The following ELMO1 variants were observed in gnomAD, a reference collection of about 807,000 sequenced individuals.
ELMO1 encodes the protein engulfment and cell motility 1.
ELMO1 carries 26 observed loss-of-function variants against 98.9 expected under a neutral mutation model. That is an observed-to-expected ratio of 0.26 (90% CI 0.19 to 0.36). ELMO1 has a LOEUF of 0.36. Among genes scored for constraint, ELMO1 ranks in the 10% least tolerant of loss-of-function variants. ELMO1 has a pLI of 1.00. For missense variants in ELMO1, 627 were observed against 935.2 expected, an observed-to-expected ratio of 0.67 and a Z score of 4.30; for synonymous variants, 346 against 346.0, an observed-to-expected ratio of 1.00 and a Z score of 0.00.
At chr7:36,955,502 G>A (rs995318965) in intron 16 of ELMO1, among the ~76,000 whole-genome samples, 4 of 152,166 alleles carry the variant, frequency 2.6e-5, no homozygotes, top group African/African-American at 4.8e-5. Context: ...GTCCAATTCT[G>A]CATTATTTCA....
chr7:37,334,521 T>C (rs1800296444), intron 2 of ELMO1, among the ~76,000 whole-genome samples: 1 of 152,182 alleles, frequency 6.6e-6, no homozygotes, highest in Non-Finnish European at 1.5e-5. Flanking sequence ...AGTACCTTCC[T>C]AGCTGAGTAA....
At chr7:37,226,926 C>T (rs1245718237) in intron 8 of ELMO1, among the ~76,000 whole-genome samples, 3 of 152,124 alleles carry the variant, frequency 2.0e-5, no homozygotes, top group Admixed American at 1.3e-4. Context: ...ACCTTACAGT[C>T]TAGTATGGAC....
intron 14 of ELMO1, among the ~76,000 whole-genome samples, chr7:37,120,991 C>T (rs992927921): frequency 5.9e-5 from 9 of 152,122 alleles, no homozygotes; most frequent in African/African-American, 1.9e-4. Flanking sequence ...CTGCAGCCTC[C>T]GCTGCTGATA....
At chr7:37,202,895 T>C (rs1003052916) in intron 13 of ELMO1, among the ~76,000 whole-genome samples, 4 of 152,122 alleles carry the variant, frequency 2.6e-5, no homozygotes, top group Non-Finnish European at 5.9e-5. Flanking sequence ...GTGTTTTCCA[T>C]CTGAAAGACA....
At chr7:37,211,667 G>T in intron 12 of ELMO1, 150 bp from the exon 13 acceptor site, 1 of 1,144,518 alleles carries the variant, frequency 8.7e-7, no homozygotes, top group African/African-American at 1.6e-5. Flanking sequence ...AATGTTCTAA[G>T]TTAGGGCTTT....
intron 1 of ELMO1, among the ~76,000 whole-genome samples, chr7:37,417,247 T>C (rs963317770): frequency 7.2e-5 from 11 of 152,198 alleles, no homozygotes; most frequent in Non-Finnish European, 2.9e-5. Context: ...TATCTGTGAA[T>C]GTGACCTTAT....
intron 16 of ELMO1, chr7:36,919,539 G>A: frequency 2.6e-6 from 1 of 383,180 alleles, no homozygotes. Flanking sequence ...TGGGATAATG[G>A]CATCAACCTT....
rs1041085534 is a variant in ELMO1 at position 37,133,753 on chromosome 7, G to C, written c.1087-519C>G. ...AGGGCTACACAGTCCACAGGCCTCT[G>C]AGCACAGACACTGGATAAAGTTCAG... On this transcript the variant is annotated intron_variant, in intron 13 of 21. Coordinates refer to ENST00000310758, the MANE Select transcript of ELMO1 (RefSeq NM_014800.11). Among the ~76,000 whole-genome samples, 7 of 152,250 alleles carry C rather than the reference G, an allele frequency of 4.6e-5. No homozygotes were observed. The South Asian group carries it at 1.2e-3, about 27-fold the overall frequency.
intron 13 of ELMO1, among the ~76,000 whole-genome samples, chr7:37,210,704 AG>A (rs1474512477): frequency 6.6e-6 from 1 of 152,092 alleles, no homozygotes; most frequent in Non-Finnish European, 1.5e-5. Context: ...CCAAAATCTC[AG>A]TAATGCCATT....
At chr7:37,152,444 CTTTTTTT>C (rs11421529) in intron 13 of ELMO1, among the ~76,000 whole-genome samples, 1 of 143,808 alleles carries the variant, frequency 7.0e-6, no homozygotes, top group African/African-American at 2.6e-5. Flanking sequence ...AATGTTGGGG[CTTTTTTT>C]TTTTTTTTTA....
At chr7:37,427,658 T>C (rs1049611441) in intron 1 of ELMO1, among the ~76,000 whole-genome samples, 2 of 152,272 alleles carry the variant, frequency 1.3e-5, no homozygotes, top group Non-Finnish European at 2.9e-5. Context: ...AATATCGCTA[T>C]TTTTGCTTTT....
intron 1 of ELMO1, among the ~76,000 whole-genome samples, chr7:37,398,409 T>G (rs1282168361): frequency 2.0e-5 from 3 of 152,230 alleles, no homozygotes; most frequent in Non-Finnish European, 2.9e-5. Flanking sequence ...GTCTTTCTTT[T>G]GAAGCCCTCT....
intron 15 of ELMO1, among the ~76,000 whole-genome samples, chr7:37,093,729 T>C (rs1784239007): frequency 6.6e-6 from 1 of 152,228 alleles, no homozygotes; most frequent in Admixed American, 6.5e-5. Flanking sequence ...GTGTCTAGCA[T>C]TCAATCAGAA....
chr7:37,083,745 G>C (rs1204155302), intron 15 of ELMO1, among the ~76,000 whole-genome samples: 3 of 152,230 alleles, frequency 2.0e-5, no homozygotes, highest in Non-Finnish European at 4.4e-5. Flanking sequence ...GCAGCCAGAA[G>C]ACCTGCCAGC....
At chr7:36,961,709 G>A (rs902128626) in intron 16 of ELMO1, among the ~76,000 whole-genome samples, 24 of 151,938 alleles carry the variant, frequency 1.6e-4, no homozygotes, top group African/African-American at 5.8e-4. Context: ...TAGCTTTTAA[G>A]CATTTTTTCA....
At chr7:37,381,163 A>T (rs552065617) in intron 1 of ELMO1, among the ~76,000 whole-genome samples, 11 of 152,390 alleles carry the variant, frequency 7.2e-5, no homozygotes, top group Non-Finnish European at 1.6e-4. Context: ...ACTAGCAAGT[A>T]ACTGGATTCT....
intron 8 of ELMO1, among the ~76,000 whole-genome samples, chr7:37,230,984 T>A (rs1378264315): frequency 6.6e-6 from 1 of 152,234 alleles, no homozygotes; most frequent in Non-Finnish European, 1.5e-5. Flanking sequence ...TTGCGGTTTT[T>A]GCATTACTCT....
intron 1 of ELMO1, among the ~76,000 whole-genome samples, chr7:37,354,913 C>T (rs1391481969): frequency 6.6e-6 from 1 of 152,238 alleles, no homozygotes; most frequent in Non-Finnish European, 1.5e-5. Flanking sequence ...CAGCAGAGCT[C>T]TAACTACCAC....
intron 1 of ELMO1, among the ~76,000 whole-genome samples, chr7:37,413,930 G>T (rs139172943): frequency 6.6e-6 from 1 of 152,110 alleles, no homozygotes; most frequent in African/African-American, 2.4e-5. Flanking sequence ...TGCCTGCCTC[G>T]CCCTCCCAGA....
Sources: allele counts gnomAD v4.1 joint callset (sites outside exome capture counted in the v4.1 genomes callset), GRCh38; gene constraint gnomAD v4.1.1; transcripts MANE v1.5; gene names NCBI Gene and HGNC (gene_info 2026-07-23, HGNC 2026-07-21).